The following PHTF2 variants were observed in gnomAD, a reference collection of about 807,000 sequenced individuals.
The protein encoded by PHTF2 is protein PHTF2.
Under a neutral mutation model 101.2 loss-of-function variants are expected in PHTF2, and 60 were observed. That is an observed-to-expected ratio of 0.59 (90% confidence interval 0.48 to 0.73). The LOEUF (loss-of-function observed/expected upper bound fraction) is 0.73. Among genes scored for constraint, PHTF2 ranks in the 30% least tolerant of loss-of-function variants. The pLI is 0.00. For synonymous variants in PHTF2, 311 were observed against 307.3 expected, an observed-to-expected ratio of 1.01 and a Z score of -0.13; for missense variants, 747 against 908.7, an observed-to-expected ratio of 0.82 and a Z score of 2.29.
chr7:77,912,245 C>T (rs1229444418), intron 9 of PHTF2, among the ~76,000 whole-genome samples: 3 of 152,194 alleles, frequency 2.0e-5, no homozygotes, highest in East Asian at 1.9e-4. Context: ...TTAATCATGA[C>T]AGCTGTACAT....
At chr7:77,845,185 A>G (rs1423773961) in intron 2 of PHTF2, among the ~76,000 whole-genome samples, 1 of 152,240 alleles carries the variant, frequency 6.6e-6, no homozygotes, top group African/African-American at 2.4e-5. Flanking sequence ...AAGATAATTG[A>G]CACACTAAGT....
intron 3 of PHTF2, among the ~76,000 whole-genome samples, chr7:77,879,107 G>A (rs1371039009): frequency 6.6e-6 from 1 of 152,120 alleles, no homozygotes; most frequent in Non-Finnish European, 1.5e-5. Context: ...TCCTATTCCT[G>A]TACATTTTAT....
intron 1 of PHTF2, among the ~76,000 whole-genome samples, chr7:77,810,393 A>T (rs1793341719): frequency 6.6e-6 from 1 of 152,240 alleles, no homozygotes. Context: ...ACTTTATTGC[A>T]GAAGAAAATT....
chr7:77,855,475 GCC>G (rs1379275943), intron 3 of PHTF2, among the ~76,000 whole-genome samples: 1 of 152,184 alleles, frequency 6.6e-6, no homozygotes, highest in African/African-American at 2.4e-5. Context: ...TCTCTTGGCT[GCC>G]CCAGCTGCTA....
chr7:77,937,343 C>T (rs1310676214), intron 12 of PHTF2, among the ~76,000 whole-genome samples: 1 of 152,078 alleles, frequency 6.6e-6, no homozygotes, highest in African/African-American at 2.4e-5. Flanking sequence ...TGTAGACTGA[C>T]AACTAAGTAC....
intron 13 of PHTF2, 57 bp from the exon 13 acceptor site, chr7:77,939,973 A>G (rs1584774848): frequency 3.9e-6 from 5 of 1,284,644 alleles, no homozygotes; most frequent in Non-Finnish European, 5.4e-6. Flanking sequence ...TACTGTAGAT[A>G]AAATTTATGG....
At chr7:77,952,214 A>G (rs1161136688) in intron 18 of PHTF2, among the ~76,000 whole-genome samples, 1 of 152,104 alleles carries the variant, frequency 6.6e-6, no homozygotes, top group African/African-American at 2.4e-5. Flanking sequence ...TAATTTAATA[A>G]AACATTTTTT....
At chr7:77,822,700 C>T (rs1403645240) in intron 1 of PHTF2, among the ~76,000 whole-genome samples, 1 of 152,076 alleles carries the variant, frequency 6.6e-6, no homozygotes, top group Non-Finnish European at 1.5e-5. Flanking sequence ...GCTGCAGTGG[C>T]CAGGTACTTC....
At chr7:77,898,008 A>G (rs1801032964) in intron 5 of PHTF2, among the ~76,000 whole-genome samples, 1 of 150,664 alleles carries the variant, frequency 6.6e-6, no homozygotes, top group African/African-American at 2.4e-5. Context: ...TTTCTTTTTA[A>G]ACCTTTAAAT....
At chr7:77,863,191 C>A (rs184259525) in intron 3 of PHTF2, among the ~76,000 whole-genome samples, 1 of 152,152 alleles carries the variant, frequency 6.6e-6, no homozygotes, top group Admixed American at 6.5e-5. Context: ...TTTTCTCTAC[C>A]CCTGTGATGG....
At chr7:77,922,891 A>G in intron 11 of PHTF2, 113 bp downstream of exon 10, 3 of 1,276,706 alleles carry the variant, frequency 2.3e-6, no homozygotes, top group South Asian at 1.8e-5. Flanking sequence ...ATTATTATCA[A>G]TATTTATTAT....
At chr7:77,889,424 G>A (rs1800160990) in intron 3 of PHTF2, among the ~76,000 whole-genome samples, 1 of 152,058 alleles carries the variant, frequency 6.6e-6, no homozygotes, top group Non-Finnish European at 1.5e-5. Context: ...AGGGTAATTT[G>A]TTAAAGGCAT....
chr7:77,917,327 CAAG>C (rs1803020654), intron 9 of PHTF2, among the ~76,000 whole-genome samples: 1 of 152,136 alleles, frequency 6.6e-6, no homozygotes, highest in East Asian at 1.9e-4. Context: ...ACTATTGTTT[CAAG>C]AAGAGTAGTA....
Position 77,920,895 on chromosome 7 carries a change from C to T in PHTF2, c.963+430C>T, listed in dbSNP as rs551729726. 3.5e-4 allele frequency among the ~76,000 whole-genome samples: 54 copies of T among 152,148 alleles called. No individual in the cohort carries two copies. In the South Asian group the frequency reaches 8.9e-3, roughly 25 times the overall value. On this transcript the variant is annotated intron_variant, in intron 10 of 19. Transcript: ENST00000416283. Reference sequence around the variant, plus strand: ...AGACAGGGCTTAGCCATGTTGCCCACGCTGGTCTCGAACTTCTGGACTCAA... The same window carrying T: ...AGACAGGGCTTAGCCATGTTGCCCATGCTGGTCTCGAACTTCTGGACTCAA...
At chr7:77,840,964 A>C (rs907435174) in intron 2 of PHTF2, among the ~76,000 whole-genome samples, 1 of 150,850 alleles carries the variant, frequency 6.6e-6, no homozygotes, top group African/African-American at 2.4e-5. Context: ...TACATAGTGG[A>C]TTATATTTGT....
chr7:77,936,541 G>T (rs978972557), intron 12 of PHTF2, among the ~76,000 whole-genome samples: 1 of 151,906 alleles, frequency 6.6e-6, no homozygotes, highest in African/African-American at 2.4e-5. Context: ...GGGCGTGGTG[G>T]TGGGCGCCTA....
intron 3 of PHTF2, among the ~76,000 whole-genome samples, chr7:77,886,257 T>G (rs539361232): frequency 1.0e-3 from 154 of 152,310 alleles, no homozygotes; most frequent in African/African-American, 3.5e-3. Context: ...CAAATTGTTT[T>G]TCAAAGATAC....
intron 7 of PHTF2, among the ~76,000 whole-genome samples, chr7:77,902,536 G>A (rs142858584): frequency 4.6e-5 from 7 of 152,160 alleles, no homozygotes; most frequent in Non-Finnish European, 8.8e-5. Context: ...ACACTTAACC[G>A]CTCTTATGGT....
intron 16 of PHTF2, among the ~76,000 whole-genome samples, chr7:77,945,202 G>A (rs556152079): frequency 6.6e-6 from 1 of 152,274 alleles, no homozygotes; most frequent in East Asian, 1.9e-4. Flanking sequence ...ACTGGGCATG[G>A]TGGCTCGCGC....
Sources: gnomAD v4.1 joint callset for allele counts (sites outside exome capture counted in the v4.1 genomes callset) on GRCh38, gnomAD v4.1.1 for gene constraint, MANE v1.5 for transcripts, NCBI Gene and HGNC (gene_info 2026-07-23, HGNC 2026-07-21) for gene names.